Variants in SLC9A9 observed in about 807,000 individuals in gnomAD.
SLC9A9 encodes sodium/hydrogen exchanger 9.
A neutral mutation model predicts 77.8 loss-of-function variants in SLC9A9; 62 were observed. That is an observed-to-expected ratio of 0.80 (90% CI 0.65 to 0.98). SLC9A9 has a LOEUF of 0.98. Among genes scored for constraint, SLC9A9 ranks in the 50% least tolerant of loss-of-function variants. The probability of loss-of-function intolerance (pLI) is 0.00; values close to 1 mark genes in which losing one functional copy is unlikely to be tolerated. For missense variants in SLC9A9, 775 were observed against 774.9 expected (o/e 1.00, Z 0.00); for synonymous variants, 320 against 283.5 (o/e 1.13, Z -1.29).
At chr3:143,295,420 C>G (rs75557482) in intron 14 of SLC9A9, among the ~76,000 whole-genome samples, 1 of 152,158 alleles carries the variant, frequency 6.6e-6, no homozygotes, top group Non-Finnish European at 1.5e-5. Flanking sequence ...AAGAACGTGC[C>G]GTTCCAGTAA....
intron 8 of SLC9A9, among the ~76,000 whole-genome samples, chr3:143,563,880 T>C (rs1316704653): frequency 1.3e-5 from 2 of 152,110 alleles, no homozygotes; most frequent in East Asian, 1.9e-4. Context: ...GATTGAAGAA[T>C]TGCATGGGGT....
At chr3:143,440,896 A>G (rs2034721325) in intron 12 of SLC9A9, among the ~76,000 whole-genome samples, 1 of 152,198 alleles carries the variant, frequency 6.6e-6, no homozygotes, top group Non-Finnish European at 1.5e-5. Context: ...CTACAGATTT[A>G]AAGATGCTGT....
At chr3:143,559,209 A>G (rs960788491) in intron 8 of SLC9A9, among the ~76,000 whole-genome samples, 51 of 152,160 alleles carry the variant, frequency 3.4e-4, no homozygotes, top group Non-Finnish European at 1.5e-4. Flanking sequence ...ATTTCTTCAT[A>G]GCAGTGTGAG....
chr3:143,454,633 C>T (rs1206235856), intron 12 of SLC9A9, among the ~76,000 whole-genome samples: 1 of 152,168 alleles, frequency 6.6e-6, no homozygotes. Context: ...TAGGTCTGAT[C>T]TCTGGCATAA....
At chr3:143,421,239 T>A (rs1045828134) in intron 12 of SLC9A9, among the ~76,000 whole-genome samples, 1 of 152,160 alleles carries the variant, frequency 6.6e-6, no homozygotes, top group East Asian at 1.9e-4. Flanking sequence ...ACTACCAATG[T>A]CATTTTTCAT....
chr3:143,771,568 A>T (rs968019050), intron 4 of SLC9A9, among the ~76,000 whole-genome samples: 3 of 152,192 alleles, frequency 2.0e-5, no homozygotes, highest in Non-Finnish European at 2.9e-5. Flanking sequence ...ACAGCTAAAG[A>T]CGCTGAATGG....
At chr3:143,471,167 C>G (rs987244203) in intron 11 of SLC9A9, among the ~76,000 whole-genome samples, 1 of 152,190 alleles carries the variant, frequency 6.6e-6, no homozygotes, top group African/African-American at 2.4e-5. Context: ...GCACGCACGG[C>G]ACTGCGGCAC....
chr3:143,780,506 A>C (rs564022508), intron 4 of SLC9A9, among the ~76,000 whole-genome samples: 1 of 152,362 alleles, frequency 6.6e-6, no homozygotes, highest in African/African-American at 2.4e-5. Context: ...TTTGTTTATA[A>C]TGTAGTTTGG....
chr3:143,548,484 C>T (rs934452672), intron 9 of SLC9A9, among the ~76,000 whole-genome samples: 1 of 152,130 alleles, frequency 6.6e-6, no homozygotes, highest in Admixed American at 6.6e-5. Flanking sequence ...GGGAAAGAGA[C>T]AGGGCTTACA....
At position 143,400,497 on chromosome 3, in the gene SLC9A9, A is replaced by G. The variant is rs559202962; in HGVS notation, c.1470-18383T>C. Reference sequence around the variant, plus strand: ...GGGAACTAAGCTATGAGGACAAAAAAGCATATGAATGATACATTGAACATT... The same window carrying G: ...GGGAACTAAGCTATGAGGACAAAAAGGCATATGAATGATACATTGAACATT... On this transcript the variant is annotated intron_variant, in intron 12 of 15. Coordinates refer to ENST00000316549, the MANE Select transcript of SLC9A9 (RefSeq NM_173653.4). Among the ~76,000 whole-genome samples, 71 of 152,196 alleles carry G rather than the reference A, an allele frequency of 4.7e-4. No homozygotes were observed. In the Middle Eastern group the frequency reaches 0.017, roughly 36 times the overall value.
At chr3:143,836,579 GA>G (rs1264813790) in intron 1 of SLC9A9, among the ~76,000 whole-genome samples, 4 of 152,174 alleles carry the variant, frequency 2.6e-5, no homozygotes, top group Non-Finnish European at 5.9e-5. Flanking sequence ...GCATACAGTT[GA>G]TAGCATGATG....
At chr3:143,397,018 A>T (rs557966891) in intron 12 of SLC9A9, among the ~76,000 whole-genome samples, 1 of 152,372 alleles carries the variant, frequency 6.6e-6, no homozygotes, top group South Asian at 2.1e-4. Flanking sequence ...GCAGATCTAC[A>T]TCCTGTACTT....
chr3:143,392,652 T>G (rs112752548), intron 12 of SLC9A9, among the ~76,000 whole-genome samples: 64 of 152,340 alleles, frequency 4.2e-4, no homozygotes, highest in African/African-American at 1.4e-3. Context: ...AGACATAGAC[T>G]GGCAAATTGG....
intron 12 of SLC9A9, among the ~76,000 whole-genome samples, chr3:143,402,754 T>C (rs1408426766): frequency 7.0e-6 from 1 of 142,772 alleles, no homozygotes; most frequent in East Asian, 2.0e-4. Flanking sequence ...TGAATCTAGG[T>C]GAAATTAGTT....
At chr3:143,348,248 G>A (rs6803894) in intron 14 of SLC9A9, among the ~76,000 whole-genome samples, 7,235 of 152,240 alleles carry the variant, frequency 0.048, 340 homozygotes, top group African/African-American at 0.12. Context: ...ACCCGCCTTG[G>A]CCTCCCAAAG....
At chr3:143,400,256 T>C (rs958382520) in intron 12 of SLC9A9, among the ~76,000 whole-genome samples, 40 of 152,144 alleles carry the variant, frequency 2.6e-4, no homozygotes, top group African/African-American at 8.7e-4. Flanking sequence ...TTTGCTGTCA[T>C]TGGGGAAAAA....
At chr3:143,331,172 T>C (rs2031757365) in intron 14 of SLC9A9, among the ~76,000 whole-genome samples, 1 of 152,164 alleles carries the variant, frequency 6.6e-6, no homozygotes, top group African/African-American at 2.4e-5. Flanking sequence ...GCATTTTTCA[T>C]TTACTCCACA....
intron 6 of SLC9A9, among the ~76,000 whole-genome samples, chr3:143,611,741 C>T (rs994869103): frequency 2.0e-5 from 3 of 151,716 alleles, no homozygotes; most frequent in African/African-American, 7.3e-5. Context: ...GGAAAGAACC[C>T]CCTTATTTTT....
intron 14 of SLC9A9, among the ~76,000 whole-genome samples, chr3:143,357,841 C>A (rs188540016): frequency 6.6e-6 from 1 of 152,236 alleles, no homozygotes; most frequent in Admixed American, 6.5e-5. Flanking sequence ...CCACAGCGAA[C>A]TACCCCAATA....
Sources: allele counts gnomAD v4.1 joint callset (sites outside exome capture counted in the v4.1 genomes callset), GRCh38; gene constraint gnomAD v4.1.1; transcripts MANE v1.5; gene names NCBI Gene and HGNC (gene_info 2026-07-23, HGNC 2026-07-21).